The following MYO5B variants were observed in gnomAD, a reference collection of about 807,000 sequenced individuals.
MYO5B encodes the protein myosin VB.
Under a neutral mutation model 229.3 loss-of-function variants are expected in MYO5B, and 143 were observed. The observed-to-expected ratio is 0.62, with a 90% CI of 0.54 to 0.72. The LOEUF is 0.72. MYO5B is among the 30% of genes least tolerant of loss of function. The pLI is 0.00. For synonymous variants in MYO5B, 918 were observed against 885.2 expected, an observed-to-expected ratio of 1.04 and a Z score of -0.66; for missense variants, 2,321 against 2,331.0, an observed-to-expected ratio of 1.00 and a Z score of 0.09.
intron 2 of MYO5B, among the ~76,000 whole-genome samples, chr18:50,043,671 TATTTATAAATATATATAAATATATATTTA>T (rs2030136671): frequency 1.4e-5 from 2 of 139,384 alleles, no homozygotes; most frequent in East Asian, 4.0e-4. Context: ...ATATAAAATA[TATTTATAAATATATATAAATATATATTTA>T]TATATAAAGT....
intron 1 of MYO5B, among the ~76,000 whole-genome samples, chr18:50,128,349 G>A (rs528738967): frequency 4.6e-5 from 7 of 152,322 alleles, no homozygotes; most frequent in African/African-American, 1.7e-4. Context: ...ACTGTGAGGT[G>A]CAACAGCTGA....
At chr18:50,133,267 T>C (rs184860540) in intron 1 of MYO5B, among the ~76,000 whole-genome samples, 1 of 149,808 alleles carries the variant, frequency 6.7e-6, no homozygotes, top group Non-Finnish European at 1.5e-5. Flanking sequence ...TCTCTAGTGC[T>C]CTCCTCAAAT....
chr18:50,108,502 G>C (rs1352479343), intron 1 of MYO5B, among the ~76,000 whole-genome samples: 2 of 152,108 alleles, frequency 1.3e-5, no homozygotes, highest in Non-Finnish European at 2.9e-5. Context: ...CGAATCAGCT[G>C]AGTCCACACA....
At chr18:49,949,788 T>C (rs1170980301) in intron 14 of MYO5B, among the ~76,000 whole-genome samples, 1 of 152,258 alleles carries the variant, frequency 6.6e-6, no homozygotes, top group Non-Finnish European at 1.5e-5. Context: ...AATTTTAATG[T>C]AATGACATAG....
chr18:49,935,843 C>T (rs1243462876), intron 16 of MYO5B, among the ~76,000 whole-genome samples: 1 of 152,188 alleles, frequency 6.6e-6, no homozygotes, highest in Non-Finnish European at 1.5e-5. Flanking sequence ...AGAAACAGGA[C>T]CATGTTCATG....
At chr18:50,193,843 C>A (rs1212087339) in intron 1 of MYO5B, among the ~76,000 whole-genome samples, 1 of 152,246 alleles carries the variant, frequency 6.6e-6, no homozygotes, top group Admixed American at 6.5e-5. Flanking sequence ...GGGTCCCGGG[C>A]GGCTGCAGCG....
intron 1 of MYO5B, among the ~76,000 whole-genome samples, chr18:50,191,548 T>G (rs1179292857): frequency 6.6e-6 from 1 of 152,240 alleles, no homozygotes; most frequent in African/African-American, 2.4e-5. Flanking sequence ...AATGTATTCA[T>G]TTCTAACTAA....
intron 9 of MYO5B, among the ~76,000 whole-genome samples, 179 bp from the exon 10 acceptor site, chr18:49,974,794 CACAG>C (rs1303699079): frequency 5.8e-4 from 84 of 144,774 alleles, no homozygotes; most frequent in African/African-American, 1.8e-3. Flanking sequence ...CACACACACA[CACAG>C]ACACACACAC....
chr18:50,154,215 A>AGGGAC (rs1283821097), intron 1 of MYO5B, among the ~76,000 whole-genome samples: 2 of 152,192 alleles, frequency 1.3e-5, no homozygotes, highest in Admixed American at 6.5e-5. Context: ...TAAGGCAAGG[A>AGGGAC]GGGACTTTCA....
chr18:49,973,413 C>A (rs550706052), intron 10 of MYO5B, among the ~76,000 whole-genome samples: 40 of 152,304 alleles, frequency 2.6e-4, no homozygotes, highest in Admixed American at 3.3e-4. Context: ...TTCTAGCCTG[C>A]TAAGCAGTTG....
chr18:49,881,200 G>C (rs756489286), intron 22 of MYO5B, among the ~76,000 whole-genome samples: 9 of 152,116 alleles, frequency 5.9e-5, no homozygotes, highest in Non-Finnish European at 1.3e-4. Context: ...TCATGTTTTT[G>C]TATTTGTTTG....
chr18:49,910,926 T>C (rs2024950340), intron 18 of MYO5B, among the ~76,000 whole-genome samples: 1 of 152,226 alleles, frequency 6.6e-6, no homozygotes, highest in Non-Finnish European at 1.5e-5. Context: ...ATCCCCAAAA[T>C]GTCTGGCACC....
intron 4 of MYO5B, among the ~76,000 whole-genome samples, chr18:50,004,062 T>C (rs373073823): frequency 1.3e-5 from 2 of 152,172 alleles, no homozygotes; most frequent in East Asian, 3.9e-4. Context: ...ACCTACGGCA[T>C]CAATAAGGGA....
chr18:50,050,565 G>T (rs1466140763), intron 2 of MYO5B, among the ~76,000 whole-genome samples: 1 of 152,164 alleles, frequency 6.6e-6, no homozygotes, highest in African/African-American at 2.4e-5. Flanking sequence ...AATTATTAAA[G>T]AATACATGGT....
intron 4 of MYO5B, among the ~76,000 whole-genome samples, chr18:50,009,996 C>T (rs1028817024): frequency 4.6e-5 from 7 of 152,116 alleles, no homozygotes. Flanking sequence ...CTCTACCATA[C>T]CCTCCCTACC....
At chr18:50,120,340 G>C (rs961766576) in intron 1 of MYO5B, among the ~76,000 whole-genome samples, 1 of 152,226 alleles carries the variant, frequency 6.6e-6, no homozygotes, top group Non-Finnish European at 1.5e-5. Context: ...TCTAGCATCT[G>C]TCTTCTGAAC....
rs183477442 is a variant in MYO5B, at chr18:50,175,776, C to T, written c.27+18991G>A. ...ATGGCATCCTTGCTGGAAAGCACAG[C>T]CAGCTCAGATACCTGCAGAGATGAA... is the stretch of plus-strand genomic sequence containing the variant. On this transcript the variant is annotated intron_variant, in intron 1 of 39. Coordinates refer to ENST00000285039, the MANE Select transcript of MYO5B (RefSeq NM_001080467.3). Among the ~76,000 whole-genome samples, 56 of 152,370 alleles carry T rather than the reference C, an allele frequency of 3.7e-4. 1 individual carries two copies. The highest frequency in any genetic ancestry group is 3.7e-3 in the Admixed American group (56 of 15,306).
intron 18 of MYO5B, among the ~76,000 whole-genome samples, chr18:49,908,103 C>G (rs2024919720): frequency 6.6e-6 from 1 of 152,208 alleles, no homozygotes; most frequent in Admixed American, 6.5e-5. Flanking sequence ...TGGGGGCTGT[C>G]TACCGCATCC....
At chr18:50,070,558 G>A (rs747080217) in intron 1 of MYO5B, among the ~76,000 whole-genome samples, 6 of 151,878 alleles carry the variant, frequency 4.0e-5, no homozygotes, top group Non-Finnish European at 7.4e-5. Context: ...ACCACAACAC[G>A]CAGGATAGCC....
Sources: gnomAD v4.1 joint callset for allele counts (sites outside exome capture counted in the v4.1 genomes callset) on GRCh38, gnomAD v4.1.1 for gene constraint, MANE v1.5 for transcripts, NCBI Gene and HGNC (gene_info 2026-07-23, HGNC 2026-07-21) for gene names.